SAXO1: variants seen among roughly 807,000 people sequenced by gnomAD.
SAXO1 encodes stabilizer of axonemal microtubules 1, also known as 4930500O09Rik.
A neutral mutation model predicts 17.5 loss-of-function variants in SAXO1; 21 were observed. That is an observed-to-expected ratio of 1.20 (90% CI 0.85 to 1.72). The LOEUF (loss-of-function observed/expected upper bound fraction) is 1.72, where lower values mean the gene tolerates loss of function less well. SAXO1 is among the 40% of genes most tolerant of loss of function. The pLI, the probability that SAXO1 is intolerant of heterozygous loss-of-function variation, is 0.00. For synonymous variants in SAXO1, 274 were observed against 216.5 expected (o/e 1.27, Z -2.33); for missense variants, 843 against 596.0 (o/e 1.41, Z -4.32).
intron 1 of SAXO1, among the ~76,000 whole-genome samples, chr9:19,038,321 A>G (rs1231522857): frequency 2.0e-5 from 3 of 152,120 alleles, no homozygotes; most frequent in Non-Finnish European, 4.4e-5. Context: ...TGTTTATTGC[A>G]GCACTATTCA....
At chr9:19,018,912 C>T (rs2131011516) in intron 1 of SAXO1, among the ~76,000 whole-genome samples, 2 of 152,078 alleles carry the variant, frequency 1.3e-5, no homozygotes, top group South Asian at 2.1e-4. Context: ...GAGTTCGAAC[C>T]CAGCCTGACC....
chr9:18,939,754 T>C (rs188833097), intron 3 of SAXO1, among the ~76,000 whole-genome samples: 37 of 152,348 alleles, frequency 2.4e-4, no homozygotes, highest in Middle Eastern at 3.4e-3. Flanking sequence ...TAGGATCATA[T>C]GATTTGATAA....
chr9:18,975,899 G>C (rs933402265), intron 1 of SAXO1, among the ~76,000 whole-genome samples: 3 of 152,042 alleles, frequency 2.0e-5, no homozygotes, highest in Non-Finnish European at 4.4e-5. Context: ...GACCAAGAGA[G>C]ATGTAAGTTT....
At chr9:18,945,389 T>C (rs1332018019) in intron 2 of SAXO1, among the ~76,000 whole-genome samples, 1 of 152,234 alleles carries the variant, frequency 6.6e-6, no homozygotes, top group East Asian at 1.9e-4. Flanking sequence ...CATGATCTTT[T>C]CTCCATGTCT....
intron 1 of SAXO1, among the ~76,000 whole-genome samples, chr9:19,001,195 G>C (rs1183273996): frequency 6.6e-6 from 1 of 152,130 alleles, no homozygotes; most frequent in African/African-American, 2.4e-5. Context: ...TGGAAGTAAA[G>C]CACTCCTGGG....
chr9:19,030,403 A>G (rs1040229011), intron 1 of SAXO1, among the ~76,000 whole-genome samples: 1 of 151,260 alleles, frequency 6.6e-6, no homozygotes, highest in African/African-American at 2.4e-5. Context: ...GGAGGGACCC[A>G]GACTTTAGAA....
At chr9:19,043,452 A>C (rs1414388073) in intron 1 of SAXO1, among the ~76,000 whole-genome samples, 3 of 151,938 alleles carry the variant, frequency 2.0e-5, no homozygotes, top group Non-Finnish European at 2.9e-5. Flanking sequence ...AGGTACAAAA[A>C]GTAGTTAGAA....
chr9:19,043,799 C>A (rs1054165099), intron 1 of SAXO1, among the ~76,000 whole-genome samples: 58 of 151,276 alleles, frequency 3.8e-4, no homozygotes, highest in African/African-American at 1.3e-3. Context: ...TTTGATAGCA[C>A]AACAGGATAA....
intron 1 of SAXO1, among the ~76,000 whole-genome samples, chr9:19,003,564 G>C: frequency 6.6e-6 from 1 of 152,188 alleles, no homozygotes; most frequent in East Asian, 1.9e-4. Context: ...AAATGGAATA[G>C]AACAGAGGCC....
intron 1 of SAXO1, among the ~76,000 whole-genome samples, chr9:18,969,158 G>A (rs1206709613): frequency 6.6e-6 from 1 of 152,062 alleles, no homozygotes; most frequent in Non-Finnish European, 1.5e-5. Context: ...GAGCTTCCTT[G>A]AGGCTAATAG....
At chr9:19,023,163 C>T (rs1344819286) in intron 1 of SAXO1, among the ~76,000 whole-genome samples, 2 of 138,868 alleles carry the variant, frequency 1.4e-5, no homozygotes, top group African/African-American at 5.2e-5. Flanking sequence ...CCCCGCCCCA[C>T]CGGAGTTAAT....
chr9:19,030,445 G>A (rs903285381), intron 1 of SAXO1, among the ~76,000 whole-genome samples: 1 of 152,150 alleles, frequency 6.6e-6, no homozygotes, highest in Non-Finnish European at 1.5e-5. Flanking sequence ...GGTGGCTCAC[G>A]CCTGTAATCC....
At chr9:18,934,165 G>C (rs1831187142) in intron 3 of SAXO1, among the ~76,000 whole-genome samples, 1 of 152,152 alleles carries the variant, frequency 6.6e-6, no homozygotes, top group Non-Finnish European at 1.5e-5. Context: ...GTTATGAATA[G>C]ATGTGGATCT....
intron 1 of SAXO1, among the ~76,000 whole-genome samples, chr9:18,952,886 T>A (rs1296807496): frequency 2.0e-5 from 3 of 152,206 alleles, no homozygotes; most frequent in African/African-American, 7.2e-5. Flanking sequence ...TAATAAAATA[T>A]CTCCTAATTG....
intron 1 of SAXO1, among the ~76,000 whole-genome samples, chr9:19,028,448 G>T (rs1356114240): frequency 6.6e-6 from 1 of 152,188 alleles, no homozygotes; most frequent in Non-Finnish European, 1.5e-5. Context: ...ATAATCAGAT[G>T]CAATTGGAAA....
At chr9:19,012,736 G>GA (rs1834801939) in intron 1 of SAXO1, among the ~76,000 whole-genome samples, 1 of 152,162 alleles carries the variant, frequency 6.6e-6, no homozygotes, top group Non-Finnish European at 1.5e-5. Flanking sequence ...TTTCTAAACA[G>GA]AAAGTATACT....
At chr9:18,986,821 T>C (rs1309861648) in intron 1 of SAXO1, among the ~76,000 whole-genome samples, 1 of 152,232 alleles carries the variant, frequency 6.6e-6, no homozygotes, top group African/African-American at 2.4e-5. Context: ...TTAGGTTGTA[T>C]ATTCATTTTG....
intron 1 of SAXO1, among the ~76,000 whole-genome samples, chr9:18,989,107 T>G (rs1467680328): frequency 6.6e-6 from 1 of 152,176 alleles, no homozygotes; most frequent in Admixed American, 6.5e-5. Context: ...GACTGATCAC[T>G]CCTATCATCT....
intron 1 of SAXO1, among the ~76,000 whole-genome samples, chr9:19,040,901 T>C (rs1161125373): frequency 6.6e-6 from 1 of 151,866 alleles, no homozygotes; most frequent in Non-Finnish European, 1.5e-5. Context: ...TAAATGAATT[T>C]TATAGAATTA....
Sources: allele counts gnomAD v4.1 joint callset (sites outside exome capture counted in the v4.1 genomes callset), GRCh38; gene constraint gnomAD v4.1.1; transcripts MANE v1.5; gene names NCBI Gene and HGNC (gene_info 2026-07-23, HGNC 2026-07-21).